The following UIMC1 variants were observed in gnomAD, a reference collection of about 807,000 sequenced individuals.
The protein encoded by UIMC1 is ubiquitin interaction motif containing 1.
A neutral mutation model predicts 84.9 loss-of-function variants in UIMC1; 42 were observed. The observed-to-expected ratio is 0.49, with a 90% CI of 0.39 to 0.64. UIMC1 has a LOEUF of 0.64. UIMC1 is among the 30% of genes least tolerant of loss of function. The pLI is 0.00. For synonymous variants in UIMC1, 281 were observed against 293.0 expected, an observed-to-expected ratio of 0.96 and a Z score of 0.42; for missense variants, 825 against 847.6, an observed-to-expected ratio of 0.97 and a Z score of 0.33.
intron 10 of UIMC1, among the ~76,000 whole-genome samples, chr5:176,917,575 CAAAACA>C (rs945057083): frequency 6.6e-6 from 1 of 151,870 alleles, no homozygotes; most frequent in Non-Finnish European, 1.5e-5. Flanking sequence ...CTGTCTCAAA[CAAAACA>C]AAAACAAAAA....
intron 10 of UIMC1, among the ~76,000 whole-genome samples, chr5:176,920,036 T>C (rs112197404): frequency 6.6e-6 from 1 of 152,206 alleles, no homozygotes; most frequent in African/African-American, 2.4e-5. Flanking sequence ...TGTTTGTTTT[T>C]TTGAGAAGGA....
intron 10 of UIMC1, among the ~76,000 whole-genome samples, chr5:176,915,240 TC>T (rs1760815959): frequency 2.8e-5 from 3 of 106,762 alleles, no homozygotes; most frequent in Non-Finnish European, 5.5e-5. Context: ...TTATTTTGTT[TC>T]TTTTTTTTTT....
chr5:176,958,506 T>A (rs1766901493), intron 6 of UIMC1, among the ~76,000 whole-genome samples: 3 of 152,228 alleles, frequency 2.0e-5, no homozygotes, highest in African/African-American at 7.2e-5. Context: ...TGTATCAATA[T>A]TAACTGGTAA....
chr5:176,905,143 C>T lies in UIMC1; in HGVS notation c.*139G>A. On this transcript the variant is annotated 3_prime_UTR_variant, in exon 15 of 15. Transcript: ENST00000511320. The stretch of plus-strand genomic sequence containing the variant: ...GCATAGATCATAAAAAACATAAAAA[C>T]CAGAATGCTGGGTAGGTGCTGGTGG... 1 of 788,462 alleles carries T rather than the reference C, an allele frequency of 1.3e-6. No homozygotes were observed. The highest frequency in any genetic ancestry group is 2.0e-6 in the Non-Finnish European group (1 of 503,404). 48.8% of individuals were successfully genotyped at this position (788,462 alleles called of 1,614,324 possible). A position where few individuals can be genotyped will look rare whatever the true frequency, so the allele number is the denominator to read the frequency against.
chr5:176,917,026 T>TGACA (rs1349955516), intron 10 of UIMC1, among the ~76,000 whole-genome samples: 1 of 152,202 alleles, frequency 6.6e-6, no homozygotes, highest in Non-Finnish European at 1.5e-5. Flanking sequence ...TTTTACAGAA[T>TGACA]GACAAGTGGT....
Position 176,975,455 on chromosome 5 carries a change from T to G in UIMC1, c.173A>C (p.Gln58Pro). Residue 58 changes from glutamine to proline, a missense_variant, in exon 3 of 15, where the codon CAG becomes CCG. Coordinates refer to ENST00000511320, the MANE Select transcript of UIMC1 (RefSeq NM_001199298.2). ...GEEPKEENGL[Q>P]KTKTKQSNRA... is the part of the protein sequence containing the mutation. Reference sequence around the variant, plus strand: ...ATTCGACTGTTTTGTCTTCGTTTTCTGCAACCCATTTTCCTCCTTTGGTTC... The same window carrying G: ...ATTCGACTGTTTTGTCTTCGTTTTCGGCAACCCATTTTCCTCCTTTGGTTC... 6.2e-7 allele frequency: 1 copy of G among 1,614,104 alleles called. No individual in the cohort carries two copies. The highest frequency in any genetic ancestry group is 8.5e-7 in the Non-Finnish European group (1 of 1,180,004).
intron 10 of UIMC1, among the ~76,000 whole-genome samples, chr5:176,926,461 C>T (rs1242212790): frequency 6.6e-6 from 1 of 151,944 alleles, no homozygotes. Flanking sequence ...TAGCAAGACC[C>T]CCATCACTAC....
chr5:177,005,914 G>A (rs1775190827), intron 1 of UIMC1, among the ~76,000 whole-genome samples: 1 of 152,184 alleles, frequency 6.6e-6, no homozygotes, highest in African/African-American at 2.4e-5. Context: ...TGGCGCTCGA[G>A]AAGCCTGCGG....
chr5:176,977,582 C>CAAAAAAAAAAAAAAAAAAAAAAAAA, intron 2 of UIMC1, among the ~76,000 whole-genome samples: 1 of 47,786 alleles, frequency 2.1e-5, no homozygotes, highest in East Asian at 6.5e-4. Flanking sequence ...GACTCCATCT[C>CAAAAAAAAAAAAAAAAAAAAAAAAA]AAAAAAAAAA....
At chr5:176,949,578 TCA>T (rs1765582412) in intron 9 of UIMC1, among the ~76,000 whole-genome samples, 1 of 152,188 alleles carries the variant, frequency 6.6e-6, no homozygotes, top group Non-Finnish European at 1.5e-5. Context: ...CTGTCGTCAG[TCA>T]CTCTGCAGCA....
chr5:176,966,045 C>A (rs1017474584), intron 6 of UIMC1, among the ~76,000 whole-genome samples: 1 of 152,146 alleles, frequency 6.6e-6, no homozygotes, highest in Non-Finnish European at 1.5e-5. Flanking sequence ...CTTAAAAATG[C>A]CTTCTTTGCT....
At chr5:176,998,458 C>G (rs1752750987) in intron 1 of UIMC1, among the ~76,000 whole-genome samples, 1 of 48,978 alleles carries the variant, frequency 2.0e-5, no homozygotes, top group Admixed American at 3.7e-4. Flanking sequence ...CAGAGCAAGA[C>G]TCTGTCTCAA....
At chr5:176,945,969 T>C (rs1483750951) in intron 9 of UIMC1, among the ~76,000 whole-genome samples, 2 of 152,212 alleles carry the variant, frequency 1.3e-5, no homozygotes, top group African/African-American at 4.8e-5. Context: ...TACTTCTACA[T>C]AGAAATGTAC....
intron 4 of UIMC1, 194 bp from the exon 5 acceptor site, chr5:176,969,900 C>A: frequency 1.9e-6 from 1 of 520,154 alleles, no homozygotes; most frequent in Non-Finnish European, 3.4e-6. Flanking sequence ...CTATACTAAA[C>A]CCTTTTTTAA....
intron 10 of UIMC1, among the ~76,000 whole-genome samples, chr5:176,915,237 GTTTCT>G (rs1245167929): frequency 2.6e-5 from 3 of 113,618 alleles, no homozygotes; most frequent in African/African-American, 1.3e-4. Flanking sequence ...GTTTTATTTT[GTTTCT>G]TTTTTTTTTT....
At chr5:177,014,017 CACAA>C (rs762092615) in intron 1 of UIMC1, among the ~76,000 whole-genome samples, 2 of 151,412 alleles carry the variant, frequency 1.3e-5, no homozygotes, top group Non-Finnish European at 2.9e-5. Flanking sequence ...ATATTGTTTG[CACAA>C]ACAGTTTAGA....
chr5:177,002,369 AT>A, intron 1 of UIMC1, among the ~76,000 whole-genome samples: 1 of 152,310 alleles, frequency 6.6e-6, no homozygotes, highest in African/African-American at 2.4e-5. Context: ...GAGGGTACTG[AT>A]TGGGAAAGAC....
chr5:177,011,065 C>T (rs1190365624), upstream of UIMC1, among the ~76,000 whole-genome samples: 1 of 151,926 alleles, frequency 6.6e-6, no homozygotes, highest in African/African-American at 2.4e-5. Context: ...TGGGCTTGCA[C>T]CTGTAGTCCC....
intron 10 of UIMC1, among the ~76,000 whole-genome samples, chr5:176,934,089 G>A (rs914574362): frequency 1.3e-5 from 2 of 152,062 alleles, no homozygotes; most frequent in Non-Finnish European, 2.9e-5. Flanking sequence ...ATTCAGATCT[G>A]TATTATATCC....
Sources: gnomAD v4.1 joint callset for allele counts (sites outside exome capture counted in the v4.1 genomes callset) on GRCh38, gnomAD v4.1.1 for gene constraint, MANE v1.5 for transcripts, NCBI Gene and HGNC (gene_info 2026-07-23, HGNC 2026-07-21) for gene names.